Variants in CDH9 observed in about 807,000 individuals in gnomAD.
The protein encoded by CDH9 is cadherin 9.
Under a neutral mutation model 70.9 loss-of-function variants are expected in CDH9, and 28 were observed. The ratio of observed to expected loss-of-function variants is 0.40; its 90% confidence interval spans 0.29 to 0.54. The LOEUF (loss-of-function observed/expected upper bound fraction) is 0.54, where lower values mean the gene tolerates loss of function less well. Ranked by LOEUF, CDH9 falls within the 20% of genes least tolerant of loss-of-function variation. CDH9 has a pLI of 0.59. For synonymous variants in CDH9, 409 were observed against 343.1 expected (o/e 1.19, Z -2.12); for missense variants, 874 against 984.4 (o/e 0.89, Z 1.50).
intron 11 of CDH9, among the ~76,000 whole-genome samples, chr5:26,882,889 A>G (rs1001204766): frequency 6.6e-6 from 1 of 151,120 alleles, no homozygotes; most frequent in Non-Finnish European, 1.5e-5. Flanking sequence ...TAACTACACT[A>G]AAGCCCTGTC....
In CDH9 at chr5:26,890,574, G is replaced by A; in HGVS notation, c.1254-10C>T. 1.3e-6 allele frequency: 2 copies of A among 1,592,750 alleles called. No homozygotes were observed. Among genetic ancestry groups the A allele is most frequent in the Non-Finnish European group, 1.7e-6 (2 of 1,160,940 alleles). On this transcript the variant is annotated splice_polypyrimidine_tract_variant and intron_variant, in intron 7 of 11. Coordinates refer to ENST00000231021, the MANE Select transcript of CDH9 (RefSeq NM_016279.4). The stretch of plus-strand genomic sequence containing the variant: ...CCGATCAACAGAGTACCTGGCAGAA[G>A]ACAGACTCATAAATCCAGGCATTCT...
chr5:26,952,266 A>C (rs563353553), intron 2 of CDH9, among the ~76,000 whole-genome samples: 2 of 148,924 alleles, frequency 1.3e-5, no homozygotes, highest in African/African-American at 4.9e-5. Flanking sequence ...GCCCAGACTC[A>C]TGTTGAAATT....
In CDH9 at chr5:26,880,965, G is replaced by T; in HGVS notation, c.*171C>A. 1.9e-6 allele frequency: 1 copy of T among 534,288 alleles called. No individual in the cohort carries two copies. The highest frequency in any genetic ancestry group is 3.3e-6 in the Non-Finnish European group (1 of 307,614). The allele number at this position is 534,288 out of a possible 1,614,324, so 33.1% of individuals were successfully genotyped here. A position where few individuals can be genotyped will look rare whatever the true frequency, so the allele number is the denominator to read the frequency against. ...ACTTTTTTAAAAATCTGTATCATTC[G>T]TATTCATTCACAAAGACTTACTGAT... On this transcript the variant is annotated 3_prime_UTR_variant, in exon 12 of 12. Coordinates refer to ENST00000231021, the MANE Select transcript of CDH9 (RefSeq NM_016279.4).
chr5:27,014,231 A>G (rs1043475788), intron 1 of CDH9, among the ~76,000 whole-genome samples: 7 of 151,970 alleles, frequency 4.6e-5, no homozygotes, highest in African/African-American at 1.7e-4. Flanking sequence ...GACAGTACCC[A>G]ATCAAGGATA....
chr5:26,892,594 T>A (rs1420499871), intron 7 of CDH9, among the ~76,000 whole-genome samples: 1 of 152,198 alleles, frequency 6.6e-6, no homozygotes, highest in East Asian at 1.9e-4. Flanking sequence ...TTTGATCAAG[T>A]GAATTGGGAA....
chr5:27,030,238 G>T (rs1048540505), intron 1 of CDH9, among the ~76,000 whole-genome samples: 13 of 151,908 alleles, frequency 8.6e-5, no homozygotes, highest in African/African-American at 2.9e-4. Flanking sequence ...ATTTCCCGTA[G>T]TAGGGAGAGA....
At chr5:27,024,912 A>G (rs557004702) in intron 1 of CDH9, among the ~76,000 whole-genome samples, 4 of 152,220 alleles carry the variant, frequency 2.6e-5, no homozygotes, top group African/African-American at 9.6e-5. Context: ...AGCACGGATC[A>G]AAAGTCATAA....
At chr5:26,979,304 T>A (rs1371198141) in intron 2 of CDH9, among the ~76,000 whole-genome samples, 1 of 151,690 alleles carries the variant, frequency 6.6e-6, no homozygotes, top group Non-Finnish European at 1.5e-5. Context: ...ATTTATACTG[T>A]AACAAATTAA....
chr5:27,028,894 T>A (rs1743264958), intron 1 of CDH9, among the ~76,000 whole-genome samples: 1 of 151,982 alleles, frequency 6.6e-6, no homozygotes, highest in Admixed American at 6.6e-5. Context: ...AACAGATCCT[T>A]ACTTGACAAA....
intron 2 of CDH9, among the ~76,000 whole-genome samples, chr5:26,958,706 T>A (rs1741986657): frequency 6.6e-6 from 1 of 152,206 alleles, no homozygotes; most frequent in Admixed American, 6.5e-5. Context: ...AGAAATAATT[T>A]ACATTCATTT....
rs1452170107 is a variant in CDH9, at chr5:26,915,679, T to C, written c.474A>G (p.Lys158=). Residue 158 remains lysine (K), a synonymous_variant, in exon 3 of 12, where the codon AAA becomes AAG. Transcript: ENST00000231021. ...TGGCAGTGTATAAGTCTTTTGTAAA[T>C]TTTGGCTCATTGTCATTGATATCAT... is the stretch of plus-strand genomic sequence containing the variant. ...KIHDINDNEP[K]FTKDLYTASV... 10 of 1,609,090 alleles carry C rather than the reference T, an allele frequency of 6.2e-6. No homozygotes were observed. Among genetic ancestry groups the C allele is most frequent in the African/African-American group, 1.3e-5 (1 of 74,780 alleles).
At chr5:27,017,058 T>C (rs2112121083) in intron 1 of CDH9, among the ~76,000 whole-genome samples, 1 of 152,092 alleles carries the variant, frequency 6.6e-6, no homozygotes, top group Middle Eastern at 3.4e-3. Flanking sequence ...TTCTATTCTT[T>C]CTATGTGTTC....
intron 8 of CDH9, 23 bp downstream of exon 8, chr5:26,890,405 G>A (rs372072724): frequency 1.7e-5 from 27 of 1,605,672 alleles, no homozygotes; most frequent in African/African-American, 1.2e-4. Flanking sequence ...CAGTGTCTTC[G>A]GGTAGATGTA....
At chr5:27,006,336 G>A (rs1240264895) in intron 1 of CDH9, among the ~76,000 whole-genome samples, 2 of 151,962 alleles carry the variant, frequency 1.3e-5, no homozygotes, top group Non-Finnish European at 2.9e-5. Context: ...TGCTACAAAA[G>A]GTAAACTCAG....
intron 2 of CDH9, among the ~76,000 whole-genome samples, chr5:26,946,045 A>G (rs546975742): frequency 2.9e-4 from 44 of 152,300 alleles, no homozygotes; most frequent in Middle Eastern, 3.4e-3. Context: ...GCTATTTTAA[A>G]TTTCCTAGAC....
At chr5:26,907,693 T>C (rs1375352450) in intron 3 of CDH9, among the ~76,000 whole-genome samples, 1 of 152,146 alleles carries the variant, frequency 6.6e-6, no homozygotes, top group Non-Finnish European at 1.5e-5. Context: ...TTTTCCTGAA[T>C]TTCTATAAAG....
chr5:26,930,220 A>T (rs1302864342), intron 2 of CDH9, among the ~76,000 whole-genome samples: 1 of 152,064 alleles, frequency 6.6e-6, no homozygotes, highest in Non-Finnish European at 1.5e-5. Flanking sequence ...TTGTTTTTTT[A>T]AAAATTAGGA....
At chr5:26,890,363 T>A in intron 8 of CDH9, 65 bp downstream of exon 8, 1 of 1,362,714 alleles carries the variant, frequency 7.3e-7, no homozygotes, top group Non-Finnish European at 1.0e-6. Flanking sequence ...TGAGTCTAGC[T>A]GGTGCTATTA....
intron 2 of CDH9, among the ~76,000 whole-genome samples, chr5:26,947,983 G>A (rs1211713941): frequency 1.3e-5 from 2 of 151,940 alleles, no homozygotes; most frequent in African/African-American, 4.8e-5. Flanking sequence ...AAAAAGTAAA[G>A]GAAATTTTGA....
Sources: allele counts gnomAD v4.1 joint callset (sites outside exome capture counted in the v4.1 genomes callset), GRCh38; gene constraint gnomAD v4.1.1; transcripts MANE v1.5; gene names NCBI Gene and HGNC (gene_info 2026-07-23, HGNC 2026-07-21).